The following TMC1 variants were observed in gnomAD, a reference collection of about 807,000 sequenced individuals.
TMC1 encodes transmembrane channel like 1.
Under a neutral mutation model 105.8 loss-of-function variants are expected in TMC1, and 84 were observed. The observed-to-expected ratio is 0.79, with a 90% confidence interval of 0.67 to 0.95. The LOEUF (loss-of-function observed/expected upper bound fraction) is 0.95. TMC1 is among the 40% of genes least tolerant of loss of function. TMC1 has a pLI of 0.00. For synonymous variants in TMC1, 315 were observed against 311.5 expected (o/e 1.01, Z -0.12); for missense variants, 817 against 914.1 (o/e 0.89, Z 1.37).
At chr9:72,580,227 A>C (rs956153495) in intron 2 of TMC1, among the ~76,000 whole-genome samples, 8 of 152,218 alleles carry the variant, frequency 5.3e-5, no homozygotes, top group African/African-American at 1.9e-4. Flanking sequence ...TCAAAGTTTA[A>C]GAAGCATGGG....
At chr9:72,587,367 G>A (rs780508019) in intron 2 of TMC1, among the ~76,000 whole-genome samples, 5 of 151,960 alleles carry the variant, frequency 3.3e-5, no homozygotes, top group African/African-American at 9.7e-5. Flanking sequence ...CATGTTGGCC[G>A]GGCTGGTCTT....
rs1295152393 is a variant in TMC1 at position 72,816,228 on chromosome 9, C to A, written c.1763+18C>A. ...ATGATCTGGTAGGCCAGCTGTTGGA[C>A]AGCTTATCACTTACAGAAAAGCCTC... On this transcript the variant is annotated intron_variant, in intron 19 of 23. Coordinates refer to ENST00000297784, the MANE Select transcript of TMC1 (RefSeq NM_138691.3). 2 of 1,611,020 alleles carry A rather than the reference C, an allele frequency of 1.2e-6. No homozygotes were observed. The highest frequency in any genetic ancestry group is 2.7e-5 in the African/African-American group (2 of 74,832).
intron 11 of TMC1, 32 bp downstream of exon 11, chr9:72,751,988 C>T (rs1827587615): frequency 3.0e-6 from 4 of 1,347,334 alleles, no homozygotes; most frequent in Non-Finnish European, 3.2e-6. Context: ...ACAAAACATG[C>T]TGAAAAATGT....
chr9:72,545,203 T>C (rs1185476548), intron 1 of TMC1, among the ~76,000 whole-genome samples: 1 of 151,912 alleles, frequency 6.6e-6, no homozygotes, highest in African/African-American at 2.4e-5. Flanking sequence ...TATACACATA[T>C]ATATATATGT....
At chr9:72,542,912 C>T (rs111597946) in intron 1 of TMC1, among the ~76,000 whole-genome samples, 1,615 of 152,216 alleles carry the variant, frequency 0.011, 16 homozygotes, top group Non-Finnish European at 0.017. Context: ...AACTCCTGAC[C>T]TCATGATCCA....
intron 8 of TMC1, among the ~76,000 whole-genome samples, chr9:72,720,703 G>A (rs1179502570): frequency 2.0e-5 from 3 of 152,172 alleles, no homozygotes; most frequent in Non-Finnish European, 4.4e-5. Context: ...GGAACAAACT[G>A]GATGACACCA....
intron 1 of TMC1, among the ~76,000 whole-genome samples, chr9:72,539,443 A>G (rs1002585004): frequency 1.3e-5 from 2 of 151,962 alleles, no homozygotes; most frequent in Admixed American, 1.3e-4. Context: ...TCCGCCAGAT[A>G]TCCTAGGTCA....
intron 6 of TMC1, among the ~76,000 whole-genome samples, chr9:72,694,291 A>C (rs1411888277): frequency 6.6e-6 from 1 of 152,194 alleles, no homozygotes; most frequent in South Asian, 2.1e-4. Flanking sequence ...TTCTTCAAAA[A>C]CTTATTAAAA....
chr9:72,760,751 C>T (rs960602964), intron 12 of TMC1, among the ~76,000 whole-genome samples: 1 of 152,128 alleles, frequency 6.6e-6, no homozygotes, highest in Non-Finnish European at 1.5e-5. Context: ...TAAACACAAG[C>T]ATGATCTCTT....
chr9:72,655,343 G>A (rs2028751), intron 5 of TMC1, among the ~76,000 whole-genome samples: 36,660 of 151,988 alleles, frequency 0.24, 4,757 homozygotes, highest in East Asian at 0.38. Flanking sequence ...GGACTAACAC[G>A]GTACATACAA....
intron 1 of TMC1, among the ~76,000 whole-genome samples, chr9:72,576,865 G>A (rs1268715194): frequency 6.6e-6 from 1 of 151,756 alleles, no homozygotes; most frequent in Admixed American, 6.6e-5. Flanking sequence ...TCCTGACCTC[G>A]TGATCCACCC....
chr9:72,544,641 G>A (rs1306054071), intron 1 of TMC1, among the ~76,000 whole-genome samples: 4 of 151,578 alleles, frequency 2.6e-5, no homozygotes, highest in South Asian at 2.1e-4. Flanking sequence ...CACCACACCC[G>A]GCTAATTTTT....
intron 12 of TMC1, among the ~76,000 whole-genome samples, chr9:72,762,343 A>G (rs1331435338): frequency 6.6e-6 from 1 of 152,196 alleles, no homozygotes; most frequent in Non-Finnish European, 1.5e-5. Context: ...AGGAGGTGGC[A>G]TCTGGAGGCT....
chr9:72,631,283 G>A (rs1825445019), intron 4 of TMC1, among the ~76,000 whole-genome samples: 1 of 152,112 alleles, frequency 6.6e-6, no homozygotes. Flanking sequence ...AATTAAAATT[G>A]CTATATATTT....
intron 8 of TMC1, among the ~76,000 whole-genome samples, chr9:72,717,062 A>G (rs1365735153): frequency 1.3e-5 from 2 of 152,146 alleles, no homozygotes; most frequent in Non-Finnish European, 2.9e-5. Flanking sequence ...GCCCCACCCT[A>G]CTTTGGCTTG....
chr9:72,545,161 C>T (rs201823182), intron 1 of TMC1, among the ~76,000 whole-genome samples: 16 of 140,876 alleles, frequency 1.1e-4, no homozygotes, highest in African/African-American at 3.6e-4. Context: ...CACACACACA[C>T]ATATATACAC....
intron 2 of TMC1, among the ~76,000 whole-genome samples, chr9:72,586,944 G>T (rs948458740): frequency 1.3e-5 from 2 of 152,126 alleles, no homozygotes; most frequent in Non-Finnish European, 2.9e-5. Flanking sequence ...GCATCAATTG[G>T]TGTAGTCTAT....
intron 5 of TMC1, among the ~76,000 whole-genome samples, chr9:72,674,712 T>G (rs1317168084): frequency 2.6e-5 from 4 of 152,224 alleles, no homozygotes; most frequent in African/African-American, 9.6e-5. Flanking sequence ...ATCCATTGCC[T>G]TGGCCTTTCC....
At chr9:72,735,637 A>T (rs992621267) in intron 8 of TMC1, among the ~76,000 whole-genome samples, 2 of 152,158 alleles carry the variant, frequency 1.3e-5, no homozygotes, top group South Asian at 4.1e-4. Context: ...ATTGGGTGAT[A>T]CTAGTTTTTT....
Sources: gnomAD v4.1 joint callset for allele counts (sites outside exome capture counted in the v4.1 genomes callset) on GRCh38, gnomAD v4.1.1 for gene constraint, MANE v1.5 for transcripts, NCBI Gene and HGNC (gene_info 2026-07-23, HGNC 2026-07-21) for gene names.